Variants in RHBDD1 observed in about 807,000 individuals in gnomAD.
The protein encoded by RHBDD1 is rhomboid-related protein 4.
A neutral mutation model predicts 36.3 loss-of-function variants in RHBDD1; 38 were observed. That is an observed-to-expected ratio of 1.05 (90% CI 0.81 to 1.37). RHBDD1 has a LOEUF of 1.37. RHBDD1 is among the 40% of genes most tolerant of loss of function. RHBDD1 has a pLI of 0.00. For synonymous variants in RHBDD1, 151 were observed against 136.5 expected, an observed-to-expected ratio of 1.11 and a Z score of -0.74; for missense variants, 393 against 377.6, an observed-to-expected ratio of 1.04 and a Z score of -0.34.
At chr2:226,834,912 A>G (rs775941554), upstream of RHBDD1, among the ~76,000 whole-genome samples, 2 of 152,136 alleles carry the variant, frequency 1.3e-5, no homozygotes, top group Non-Finnish European at 2.9e-5. Flanking sequence ...AGTAGCCGGG[A>G]TTACAGGCGC....
intron 8 of RHBDD1, among the ~76,000 whole-genome samples, chr2:226,965,288 C>T (rs1333542024): frequency 6.6e-6 from 1 of 152,208 alleles, no homozygotes; most frequent in African/African-American, 2.4e-5. Context: ...ATGGGTTCTC[C>T]TGCAGAGCCT....
At chr2:226,898,829 T>C (rs187758607) in intron 5 of RHBDD1, among the ~76,000 whole-genome samples, 171 of 152,306 alleles carry the variant, frequency 1.1e-3, no homozygotes, top group African/African-American at 4.0e-3. Context: ...TAACTGCTTT[T>C]ACAGGAAGAA....
intron 1 of RHBDD1, chr2:226,837,863 A>G (rs1226588213): frequency 6.6e-6 from 1 of 152,142 alleles, no homozygotes; most frequent in Non-Finnish European, 1.5e-5. Context: ...TAGAGTTGAG[A>G]ATTATTGTAA....
intron 8 of RHBDD1, among the ~76,000 whole-genome samples, chr2:226,950,380 T>C (rs1369995373): frequency 6.6e-5 from 10 of 152,252 alleles, no homozygotes; most frequent in Non-Finnish European, 7.3e-5. Flanking sequence ...GGAGGATTTC[T>C]TTCTGTTTTA....
chr2:226,832,038 A>C (rs189631511), upstream of RHBDD1, among the ~76,000 whole-genome samples: 1 of 150,566 alleles, frequency 6.6e-6, no homozygotes, highest in African/African-American at 2.4e-5. Flanking sequence ...TTGCAATATG[A>C]TCATTATTTC....
chr2:226,971,819 G>T (rs1216032413), intron 8 of RHBDD1, among the ~76,000 whole-genome samples: 2 of 151,856 alleles, frequency 1.3e-5, no homozygotes, highest in Non-Finnish European at 2.9e-5. Context: ...TCCAAAGGTG[G>T]ATCTTTGTGG....
At chr2:226,884,079 T>G (rs1946012899) in intron 5 of RHBDD1, among the ~76,000 whole-genome samples, 1 of 152,216 alleles carries the variant, frequency 6.6e-6, no homozygotes. Context: ...TCTCAACTAA[T>G]AAGATGATAA....
rs546974132 is a variant in RHBDD1, at chr2:226,962,371, T to C, written c.857-33060T>C. ...TATTTACAAGTCTCATATTTTACCA[T>C]AGGAAATGGCTTCAACAAGCATATT... On this transcript the variant is annotated intron_variant, in intron 8 of 8. Transcript: ENST00000392062. Among the ~76,000 whole-genome samples, 80 of 152,356 alleles carry C rather than the reference T, an allele frequency of 5.3e-4. 1 individual carries two copies. Among genetic ancestry groups the C allele is most frequent in the African/African-American group, 1.9e-3 (77 of 41,592 alleles).
At chr2:226,948,206 G>T (rs1951130844) in intron 8 of RHBDD1, among the ~76,000 whole-genome samples, 1 of 146,856 alleles carries the variant, frequency 6.8e-6, no homozygotes, top group Middle Eastern at 3.2e-3. Context: ...AGAAAATGTG[G>T]CACATATACA....
At chr2:226,988,253 T>A (rs1957429824) in intron 8 of RHBDD1, 4 of 1,369,020 alleles carry the variant, frequency 2.9e-6, no homozygotes, top group Non-Finnish European at 3.9e-6. Context: ...GTAGGACTCA[T>A]ATCAGGGCCC....
intron 8 of RHBDD1, among the ~76,000 whole-genome samples, chr2:226,954,938 C>CAGGCA (rs1180784220): frequency 6.6e-6 from 1 of 151,764 alleles, no homozygotes; most frequent in Non-Finnish European, 1.5e-5. Flanking sequence ...GGGGTGGGGG[C>CAGGCA]AGGCACAGTG....
At chr2:226,957,726 G>A (rs1951874165) in intron 8 of RHBDD1, among the ~76,000 whole-genome samples, 1 of 152,046 alleles carries the variant, frequency 6.6e-6, no homozygotes, top group South Asian at 2.1e-4. Flanking sequence ...CTCAGAAATG[G>A]GCAAATGATC....
intron 8 of RHBDD1, among the ~76,000 whole-genome samples, chr2:226,967,895 A>G (rs1160525734): frequency 6.6e-6 from 1 of 152,122 alleles, no homozygotes; most frequent in Admixed American, 6.6e-5. Flanking sequence ...GTCCTGTACA[A>G]TGAAGAGAAA....
chr2:226,978,302 C>G (rs1018043039), intron 8 of RHBDD1, among the ~76,000 whole-genome samples: 2 of 152,146 alleles, frequency 1.3e-5, no homozygotes, highest in Non-Finnish European at 2.9e-5. Flanking sequence ...TTCCTATAGC[C>G]TGCTAGCCCC....
intron 8 of RHBDD1, among the ~76,000 whole-genome samples, chr2:226,972,829 T>G (rs893710744): frequency 1.3e-4 from 20 of 151,866 alleles, no homozygotes; most frequent in Non-Finnish European, 2.4e-4. Context: ...TGTCAGTTTT[T>G]GGTTGGGTTA....
the RHBDD1 span, among the ~76,000 whole-genome samples, chr2:226,801,314 C>G: frequency 6.6e-6 from 1 of 152,116 alleles, no homozygotes; most frequent in Non-Finnish European, 1.5e-5. Flanking sequence ...AAGCCTTGCA[C>G]TGCAGAGGGA....
chr2:226,816,376 A>C, the RHBDD1 span, among the ~76,000 whole-genome samples: 1 of 76,686 alleles, frequency 1.3e-5, no homozygotes, highest in Admixed American at 1.3e-4. Flanking sequence ...GAATGGTGGC[A>C]AAAAAAAAAA....
intron 8 of RHBDD1, among the ~76,000 whole-genome samples, chr2:226,957,763 G>A (rs1029943140): frequency 1.3e-5 from 2 of 152,252 alleles, no homozygotes; most frequent in East Asian, 3.9e-4. Context: ...CAAAGAAGAT[G>A]TACAGAAGTC....
rs1332731418 is a variant in RHBDD1, at chr2:226,908,855, G to T, written c.689G>T (p.Arg230Leu). The change falls in exon 7 of 9, where the codon CGG becomes CTG. Residue 230 changes from arginine to leucine, a missense_variant. Arg to Leu is a moderately radical substitution (Grantham distance 102, BLOSUM62 -2). Transcript: ENST00000392062. The stretch of plus-strand genomic sequence containing the variant: ...TCCTCCAGTGTTGGTTACCCAGGAC[G>T]GCAATACTACTTTAATAGTTCAGGT... Reference protein sequence around the residue: ...GFSSSVGYPGRQYYFNSSGSS... With the variant: ...GFSSSVGYPGLQYYFNSSGSS... 1.2e-6 allele frequency: 2 copies of T among 1,606,082 alleles called. No homozygotes were observed. The highest frequency in any genetic ancestry group is 1.7e-5 in the Admixed American group (1 of 59,994).
Sources: allele counts gnomAD v4.1 joint callset (sites outside exome capture counted in the v4.1 genomes callset), GRCh38; gene constraint gnomAD v4.1.1; transcripts MANE v1.5; gene names NCBI Gene and HGNC (gene_info 2026-07-23, HGNC 2026-07-21).